Variants in PI4KA observed in about 807,000 individuals in gnomAD.
The protein encoded by PI4KA is PI4-kinase alpha.
In PI4KA, 122 loss-of-function variants were observed where a neutral mutation model predicts 271.4. The ratio of observed to expected loss-of-function variants is 0.45; its 90% CI spans 0.39 to 0.52. The LOEUF (loss-of-function observed/expected upper bound fraction) is 0.52, where lower values mean the gene tolerates loss of function less well. Among genes scored for constraint, PI4KA ranks in the 20% least tolerant of loss-of-function variants. The probability of loss-of-function intolerance (pLI) is 0.00; values close to 1 mark genes in which losing one functional copy is unlikely to be tolerated. For missense variants in PI4KA, 1,969 were observed against 2,769.1 expected, an observed-to-expected ratio of 0.71 and a Z score of 6.48; for synonymous variants, 1,041 against 1,078.8, an observed-to-expected ratio of 0.96 and a Z score of 0.69.
intron 29 of PI4KA, among the ~76,000 whole-genome samples, chr22:20,747,304 T>C (rs1200416883): frequency 1.3e-5 from 2 of 151,960 alleles, no homozygotes; most frequent in Non-Finnish European, 2.9e-5. Context: ...GATGGGGACA[T>C]TCAAATCAAA....
In PI4KA at chr22:20,733,750, G is replaced by A. The variant is rs575906467; in HGVS notation, c.4146C>T (p.Ala1382=). 2.3e-4 allele frequency: 368 copies of A among 1,613,780 alleles called. 4 individuals carry two copies. The South Asian group carries it at 3.6e-3, about 16-fold the overall frequency. The change falls in exon 35 of 55, where the codon GCC becomes GCT. Residue 1382 remains alanine, a synonymous_variant. Coordinates refer to ENST00000255882, the MANE Select transcript of PI4KA (RefSeq NM_058004.4). Reference sequence around the variant, plus strand: ...TGGGGGAGTACCTGAAGTAGTCAAAGGCAGTGGAGTAGATCTTCTCGCGAA... The same window carrying A: ...TGGGGGAGTACCTGAAGTAGTCAAAAGCAGTGGAGTAGATCTTCTCGCGAA... ...NVLREKIYST[A]FDYFSCPPKF...
intron 23 of PI4KA, 138 bp downstream of exon 23, chr22:20,761,165 TG>T: frequency 3.1e-6 from 2 of 639,396 alleles, no homozygotes; most frequent in East Asian, 5.5e-5. Context: ...GAAGGCTATA[TG>T]TTTTATACTG....
chr22:20,827,986 G>T (rs1473479058), intron 3 of PI4KA, among the ~76,000 whole-genome samples: 2 of 152,080 alleles, frequency 1.3e-5, no homozygotes, highest in East Asian at 1.9e-4. Context: ...GCAGAGATGG[G>T]TTTCACCATG....
chr22:20,795,824 C>T (rs1934949578), intron 18 of PI4KA, among the ~76,000 whole-genome samples: 1 of 152,122 alleles, frequency 6.6e-6, no homozygotes, highest in Non-Finnish European at 1.5e-5. Context: ...CCAGCTACCA[C>T]CCCTGGGCTT....
chr22:20,858,504 C>T, intron 1 of PI4KA, 66 bp downstream of exon 1: 1 of 1,171,698 alleles, frequency 8.5e-7, no homozygotes, highest in Non-Finnish European at 1.1e-6. Flanking sequence ...ACCCTCGTCC[C>T]GCCTCCACGC....
intron 1 of PI4KA, among the ~76,000 whole-genome samples, chr22:20,845,105 A>C (rs146008528): frequency 1.3e-5 from 2 of 152,320 alleles, no homozygotes; most frequent in East Asian, 3.9e-4. Context: ...AAGTCAATGG[A>C]CCACAGGGAG....
At chr22:20,770,497 A>C (rs1447633831) in intron 19 of PI4KA, among the ~76,000 whole-genome samples, 1 of 143,014 alleles carries the variant, frequency 7.0e-6, no homozygotes, top group Non-Finnish European at 1.5e-5. Flanking sequence ...TGGGCAACAG[A>C]GCAAAAACTC....
chr22:20,710,135 T>G, intron 52 of PI4KA, 138 bp from the exon 53 acceptor site: 1 of 678,940 alleles, frequency 1.5e-6, no homozygotes, highest in Non-Finnish European at 2.7e-6. Context: ...ATCTTGCACA[T>G]CCCCGAGGCA....
Position 20,712,743 on chromosome 22 carries a change from C to T in PI4KA, c.5626G>A (p.Gly1876Ser), listed in dbSNP as rs1424544127. 10 of 1,551,250 alleles carry T rather than the reference C, an allele frequency of 6.4e-6. No individual in the cohort carries two copies. The highest frequency in any genetic ancestry group is 1.2e-5 in the South Asian group (1 of 84,104). ...TAGGGAAAAACAAAGAGGTCCAGGC[C>T]GACCAGCTGGAAGATGTTCTTGAAG... ...DLFKNIFQLV[G>S]LDLFVFPYRV... Residue 1876 changes from glycine to serine, a missense_variant, in exon 49 of 55, where the codon GGC (glycine) becomes AGC (serine). By Grantham distance (56) the Gly-to-Ser change is moderately conservative. Around this residue, in one of 13 missense-constraint regions of PI4KA, gnomAD observed 110 missense variants for 349.8 expected, o/e 0.31. Transcript: ENST00000255882.
At chr22:20,790,699 AACACACAC>A (rs362174) in intron 19 of PI4KA, among the ~76,000 whole-genome samples, 3,812 of 139,352 alleles carry the variant, frequency 0.027, 62 homozygotes, top group Non-Finnish European at 0.036. Context: ...AAAAAAAACA[AACACACAC>A]ACACACACAC....
Position 20,709,600 on chromosome 22 carries a change from C to T in PI4KA, c.6174-221G>A, listed in dbSNP as rs191851129. ...CAGCATCACCTGAGTGGCCCCATGG[C>T]ATTAGGGGACTAAGCATTGGGGAGC... On this transcript the variant is annotated intron_variant, in intron 53 of 54. Transcript: ENST00000255882. 8.1e-3 allele frequency: 4,519 copies of T among 555,036 alleles called. 25 individuals carry two copies. Among genetic ancestry groups the T allele is most frequent in the Non-Finnish European group, 0.011 (3,202 of 304,332 alleles). The allele number at this position is 555,036 out of a possible 1,614,324, so 34.4% of individuals were successfully genotyped here. A position where few individuals can be genotyped will look rare whatever the true frequency, so the allele number is the denominator to read the frequency against.
At chr22:20,772,314 C>T (rs1316537748) in intron 19 of PI4KA, among the ~76,000 whole-genome samples, 1 of 152,142 alleles carries the variant, frequency 6.6e-6, no homozygotes, top group East Asian at 1.9e-4. Context: ...GTGTCCTGGG[C>T]AGAAAGAATA....
intron 3 of PI4KA, among the ~76,000 whole-genome samples, chr22:20,829,535 C>CT (rs1456771074): frequency 6.7e-6 from 1 of 149,804 alleles, no homozygotes; most frequent in Admixed American, 6.6e-5. Context: ...CTGGTTGTGT[C>CT]TATTTGGACC....
chr22:20,790,689 A>T (rs178041), intron 19 of PI4KA, among the ~76,000 whole-genome samples: 68,045 of 141,336 alleles, frequency 0.48, 16,119 homozygotes, highest in African/African-American at 0.61. Flanking sequence ...AAAAAAATTT[A>T]AAAAAAACAA....
rs752775142 is a variant in PI4KA at position 20,858,610 on chromosome 22, G to A, written c.116C>T (p.Ala39Val). The change falls in exon 1 of 55, where the codon GCC (alanine) becomes GTC (valine). Residue 39 changes from alanine to valine, a missense_variant. Physicochemically the swap from Ala to Val is moderately conservative, Grantham distance 64. Transcript: ENST00000255882. ...TGGTCTCTGCACCGCCAGGGAGCGG[G>A]CCAGTGACAGGACCGTGTTGAAATA... The part of the protein sequence containing the change: ...GFYFNTVLSL[A>V]RSLAVQRPAS... 32 of 1,482,188 alleles carry A rather than the reference G, an allele frequency of 2.2e-5. No individual in the cohort carries two copies. In the South Asian group the frequency reaches 2.3e-4, roughly 11 times the overall value. 91.8% of individuals were successfully genotyped at this position (1,482,188 alleles called of 1,614,324 possible).
At chr22:20,716,938 T>C (rs1274838737) in intron 45 of PI4KA, among the ~76,000 whole-genome samples, 1 of 152,084 alleles carries the variant, frequency 6.6e-6, no homozygotes, top group Non-Finnish European at 1.5e-5. Flanking sequence ...GACAAGTTTG[T>C]GCCAATAGTT....
chr22:20,800,066 T>A (rs1032542668), intron 14 of PI4KA, among the ~76,000 whole-genome samples: 2 of 152,214 alleles, frequency 1.3e-5, no homozygotes, highest in Non-Finnish European at 2.9e-5. Context: ...AAGGTCACAG[T>A]GACTGATTCC....
chr22:20,780,704 A>G (rs1933712455), intron 19 of PI4KA, among the ~76,000 whole-genome samples: 1 of 148,484 alleles, frequency 6.7e-6, no homozygotes, highest in Admixed American at 6.9e-5. Flanking sequence ...TGAACCTGGA[A>G]GGCAGAGATT....
At chr22:20,719,701 T>C (rs536197018) in intron 43 of PI4KA, among the ~76,000 whole-genome samples, 1 of 152,242 alleles carries the variant, frequency 6.6e-6, no homozygotes, top group Non-Finnish European at 1.5e-5. Context: ...AAAACTTGGA[T>C]CTGCTGCTGT....
Sources: allele counts gnomAD v4.1 joint callset (sites outside exome capture counted in the v4.1 genomes callset), GRCh38; gene constraint gnomAD v4.1.1; regional missense constraint gnomAD v4.1.1; transcripts MANE v1.5; gene names NCBI Gene and HGNC (gene_info 2026-07-23, HGNC 2026-07-21).